GAPVD1: variants seen among roughly 807,000 people sequenced by gnomAD.
The protein encoded by GAPVD1 is GTPase-activating protein and VPS9 domain-containing protein 1.
Under a neutral mutation model 155.5 loss-of-function variants are expected in GAPVD1, and 35 were observed. The observed-to-expected ratio is 0.23, with a 90% CI of 0.17 to 0.30. The LOEUF (loss-of-function observed/expected upper bound fraction) is 0.30, where lower values mean the gene tolerates loss of function less well. GAPVD1 is among the 10% of genes least tolerant of loss of function. GAPVD1 has a pLI of 1.00. For synonymous variants in GAPVD1, 636 were observed against 619.7 expected (o/e 1.03, Z -0.39); for missense variants, 1,429 against 1,775.7 (o/e 0.80, Z 3.51).
rs1384235469 is a variant in GAPVD1, at chr9:125,342,261, A to G, written c.3008A>G (p.Lys1003Arg). The G allele has an allele frequency of 1.9e-6, 3 of 1,601,932 alleles. No homozygotes were observed. Among genetic ancestry groups the G allele is most frequent in the Non-Finnish European group, 2.6e-6 (3 of 1,169,026 alleles). ...AAGAAAGAAAAACAAGAAAAAGACA[A>G]AGATGATCTGGGGCCTGACAGATTC... ...FRKKEKQEKD[K>R]DDLGPDRFST... Residue 1003 changes from lysine (K) to arginine (R), a missense_variant, in exon 19 of 28, where the codon AAA (lysine) becomes AGA (arginine). Lys to Arg is a conservative substitution (Grantham distance 26, BLOSUM62 2). Around this residue, in one of 4 missense-constraint regions of GAPVD1, gnomAD observed 699 missense variants for 826.0 expected, o/e 0.85. Transcript: ENST00000297933.
chr9:125,269,744 G>A (rs1259303270), intron 2 of GAPVD1, among the ~76,000 whole-genome samples: 10 of 127,628 alleles, frequency 7.8e-5, no homozygotes, highest in African/African-American at 3.1e-4. Flanking sequence ...TGGAGGCAGA[G>A]TCTCACTCTG....
intron 24 of GAPVD1, 72 bp from the exon 25 acceptor site, chr9:125,355,572 T>C: frequency 1.0e-6 from 1 of 962,728 alleles, no homozygotes; most frequent in Non-Finnish European, 1.5e-6. Flanking sequence ...AAATTATTTC[T>C]ATGATTTCCT....
At chr9:125,356,322 C>T (rs1850079693) in intron 25 of GAPVD1, among the ~76,000 whole-genome samples, 1 of 152,102 alleles carries the variant, frequency 6.6e-6, no homozygotes, top group South Asian at 2.1e-4. Flanking sequence ...ACATTTGGGG[C>T]CAGATTGTTG....
At chr9:125,349,741 G>T (rs1195075697) in intron 21 of GAPVD1, among the ~76,000 whole-genome samples, 1 of 152,086 alleles carries the variant, frequency 6.6e-6, no homozygotes, top group Non-Finnish European at 1.5e-5. Context: ...GCTCACGCCT[G>T]TAATCCCAGC....
chr9:125,332,332 T>C (rs1846212346), intron 14 of GAPVD1, among the ~76,000 whole-genome samples, 178 bp from the exon 15 acceptor site: 1 of 152,222 alleles, frequency 6.6e-6, no homozygotes, highest in South Asian at 2.1e-4. Flanking sequence ...GATTATGTTG[T>C]GTAAAGCAAG....
At chr9:125,342,040 C>A (rs2494765) in intron 18 of GAPVD1, 179 bp from the exon 19 acceptor site, 2 of 537,820 alleles carry the variant, frequency 3.7e-6, no homozygotes, top group Non-Finnish European at 6.6e-6. Context: ...GAAGCAGGTT[C>A]TGAAAGTTCC....
intron 20 of GAPVD1, among the ~76,000 whole-genome samples, chr9:125,349,088 G>T (rs1848937717): frequency 1.3e-5 from 2 of 152,168 alleles, no homozygotes; most frequent in Admixed American, 6.5e-5. Flanking sequence ...GTGATTCTAA[G>T]ATGTTAACTT....
At chr9:125,308,596 G>A (rs540259083) in intron 8 of GAPVD1, 1 of 152,014 alleles carries the variant, frequency 6.6e-6, no homozygotes, top group East Asian at 1.9e-4. Flanking sequence ...TTATTTGCTT[G>A]GTTAACATTT....
intron 8 of GAPVD1, among the ~76,000 whole-genome samples, chr9:125,311,772 T>G (rs1022592534): frequency 1.3e-5 from 2 of 151,472 alleles, no homozygotes; most frequent in Non-Finnish European, 2.9e-5. Flanking sequence ...CAGGCTGGAG[T>G]GCAGTGGTGC....
chr9:125,323,217 C>A (rs969144760), intron 10 of GAPVD1, among the ~76,000 whole-genome samples: 6 of 151,880 alleles, frequency 4.0e-5, no homozygotes, highest in South Asian at 4.2e-4. Context: ...AGCAATTCCC[C>A]TGCCTCAGCC....
intron 2 of GAPVD1, among the ~76,000 whole-genome samples, chr9:125,292,358 A>G (rs1564305763): frequency 6.6e-6 from 1 of 152,112 alleles, no homozygotes; most frequent in Non-Finnish European, 1.5e-5. Flanking sequence ...CATGAACAGA[A>G]ATAAAGGGCA....
intron 1 of GAPVD1, among the ~76,000 whole-genome samples, chr9:125,262,584 T>C (rs911317301): frequency 1.3e-5 from 2 of 152,184 alleles, no homozygotes; most frequent in Non-Finnish European, 2.9e-5. Flanking sequence ...GTTCTGTGTA[T>C]AAATGTGCAT....
chr9:125,359,402 A>G lies in GAPVD1; in HGVS notation c.3972-18A>G, dbSNP rs772256059. The G allele has an allele frequency of 1.8e-5, 26 of 1,467,920 alleles. No individual in the cohort carries two copies. Among genetic ancestry groups the G allele is most frequent in the Non-Finnish European group, 2.3e-5 (24 of 1,048,838 alleles). 90.9% of individuals were successfully genotyped at this position (1,467,920 alleles called of 1,614,324 possible). A position where few individuals can be genotyped will look rare whatever the true frequency, so the allele number is the denominator to read the frequency against. On this transcript the variant is annotated intron_variant, in intron 25 of 27. Coordinates refer to ENST00000297933, the MANE Select transcript of GAPVD1 (RefSeq NM_001282680.3). ...TTCTGAAATGAATGTTTACATGTGT[A>G]TTTTGGGGGGTTTTCAGGGTTCTTC...
chr9:125,292,001 G>C (rs1275480499), intron 2 of GAPVD1, among the ~76,000 whole-genome samples: 1 of 152,154 alleles, frequency 6.6e-6, no homozygotes, highest in Non-Finnish European at 1.5e-5. Flanking sequence ...CAGCACTTTA[G>C]GAGGCTGAGG....
rs1399626007 is a variant in GAPVD1, at chr9:125,277,793, C to T, written c.-150+8809C>T. 3.3e-5 allele frequency among the ~76,000 whole-genome samples: 5 copies of T among 151,710 alleles called. No individual in the cohort carries two copies. In the South Asian group the frequency reaches 1.0e-3, roughly 32 times the overall value. ...CAAGCAGTCCTCCTACCTCAGCCTC[C>T]CAAGTACCTGGGACTTCAGGTGCAT... On this transcript the variant is annotated intron_variant, in intron 2 of 27. Coordinates refer to ENST00000297933, the MANE Select transcript of GAPVD1 (RefSeq NM_001282680.3).
chr9:125,298,036 G>A (rs1840153583), intron 3 of GAPVD1, among the ~76,000 whole-genome samples: 2 of 152,026 alleles, frequency 1.3e-5, no homozygotes, highest in Non-Finnish European at 2.9e-5. Context: ...GTGAGCCACC[G>A]CGCCCGGCTG....
chr9:125,281,940 C>G (rs1274644851), intron 2 of GAPVD1, among the ~76,000 whole-genome samples: 3 of 152,144 alleles, frequency 2.0e-5, no homozygotes, highest in East Asian at 3.9e-4. Flanking sequence ...GCCTCAGCCT[C>G]CCAAGTAGCT....
At chr9:125,289,355 A>G (rs1838231057) in intron 2 of GAPVD1, among the ~76,000 whole-genome samples, 1 of 151,874 alleles carries the variant, frequency 6.6e-6, no homozygotes, top group Non-Finnish European at 1.5e-5. Context: ...AGACTGAAGC[A>G]TAGTTAGTTA....
rs1276387183 is a variant in GAPVD1 at position 125,321,529 on chromosome 9, C to T, written c.1699C>T (p.Leu567Phe). 1.2e-6 allele frequency: 2 copies of T among 1,613,492 alleles called. No individual in the cohort carries two copies. The highest frequency in any genetic ancestry group is 1.7e-6 in the Non-Finnish European group (2 of 1,179,654). ...GKPDKTLRFS[L>F]CSDNLEGISE... The stretch of plus-strand genomic sequence containing the variant: ...ACCTGATAAAACCTTGCGCTTTTCC[C>T]TCTGCAGTGATAATCTGGAAGGAAT... The change falls in exon 10 of 28, where the codon CTC becomes TTC. Residue 567 changes from leucine to phenylalanine, a missense_variant. Leu to Phe is a conservative substitution (Grantham distance 22). Coordinates refer to ENST00000297933, the MANE Select transcript of GAPVD1 (RefSeq NM_001282680.3).
Sources: gnomAD v4.1 joint callset for allele counts (sites outside exome capture counted in the v4.1 genomes callset) on GRCh38, gnomAD v4.1.1 for gene constraint, gnomAD v4.1.1 regional missense constraint, MANE v1.5 for transcripts, NCBI Gene and HGNC (gene_info 2026-07-23, HGNC 2026-07-21) for gene names.